Variants in TP63 observed in about 807,000 individuals in gnomAD.
TP63 encodes tumor protein 63.
In TP63, 17 loss-of-function variants were observed where a neutral mutation model predicts 82.8. The observed-to-expected ratio is 0.21, with a 90% CI of 0.14 to 0.31. The LOEUF is 0.31. Among genes scored for constraint, TP63 ranks in the 10% least tolerant of loss-of-function variants. TP63 has a pLI of 1.00. For synonymous variants in TP63, 330 were observed against 321.7 expected, an observed-to-expected ratio of 1.03 and a Z score of -0.28; for missense variants, 648 against 895.3, an observed-to-expected ratio of 0.72 and a Z score of 3.52.
In TP63 at chr3:189,651,461, G is replaced by A. The variant is rs544162718; in HGVS notation, c.62+19884G>A. On this transcript the variant is annotated intron_variant, in intron 1 of 13. Coordinates refer to ENST00000264731, the MANE Select transcript of TP63 (RefSeq NM_003722.5). ...CTTAGGAGGCTGAATCAGGAGAATC[G>A]GTTGAACCCAGGAGGCAGAGGTTGC... is the stretch of plus-strand genomic sequence containing the variant. Among the ~76,000 whole-genome samples the A allele has an allele frequency of 1.6e-4, 23 of 145,362 alleles. 1 individual carries two copies. In the South Asian group the frequency reaches 3.4e-3, roughly 21 times the overall value.
At chr3:189,892,444 C>A (rs1234358485) in intron 13 of TP63, among the ~76,000 whole-genome samples, 1 of 152,146 alleles carries the variant, frequency 6.6e-6, no homozygotes, top group Non-Finnish European at 1.5e-5. Context: ...TTACAAAGAG[C>A]TTTGCATTTA....
At chr3:189,732,593 T>C (rs1248355048) in intron 1 of TP63, among the ~76,000 whole-genome samples, 1 of 152,220 alleles carries the variant, frequency 6.6e-6, no homozygotes, top group Non-Finnish European at 1.5e-5. Context: ...ATGACAATTA[T>C]GTTGCACATT....
At chr3:189,597,183 A>G in the TP63 span, among the ~76,000 whole-genome samples, 1 of 152,222 alleles carries the variant, frequency 6.6e-6, no homozygotes, top group African/African-American at 2.4e-5. Context: ...TTTGAAAACT[A>G]TGAAGTGCTG....
chr3:189,886,897 G>A (rs1040122470), intron 11 of TP63, among the ~76,000 whole-genome samples: 1 of 152,054 alleles, frequency 6.6e-6, no homozygotes, highest in Non-Finnish European at 1.5e-5. Context: ...AAAGTAGCAT[G>A]TTGCAGTGAA....
At chr3:189,675,663 T>C (rs1357372898) in intron 1 of TP63, among the ~76,000 whole-genome samples, 1 of 152,152 alleles carries the variant, frequency 6.6e-6, no homozygotes, top group African/African-American at 2.4e-5. Flanking sequence ...GACTCATAAA[T>C]AGATTGACAT....
chr3:189,890,678 T>A, intron 12 of TP63, 111 bp from the exon 13 acceptor site: 1 of 833,922 alleles, frequency 1.2e-6, no homozygotes, highest in Non-Finnish European at 2.0e-6. Context: ...TCATCTCTGA[T>A]GTGGGGCATC....
chr3:189,861,935 A>G (rs1717096419), intron 4 of TP63, among the ~76,000 whole-genome samples: 1 of 152,218 alleles, frequency 6.6e-6, no homozygotes, highest in Admixed American at 6.5e-5. Context: ...CAAGTCAATT[A>G]TCTGTTATCT....
rs371864755 is a variant in TP63 at position 189,789,462 on chromosome 3, GT to G, written c.325-18800del. On this transcript the variant is annotated intron_variant, in intron 3 of 13. Coordinates refer to ENST00000264731, the MANE Select transcript of TP63 (RefSeq NM_003722.5). ...TTTTACCTGTCTGTCTCCTGGGTTT[GT>G]TTTTTTTTTCTTTCTTTCTTTTTCT... is the stretch of plus-strand genomic sequence containing the variant. 1.3e-4 allele frequency among the ~76,000 whole-genome samples: 19 copies of G among 147,316 alleles called. No homozygotes were observed. In the South Asian group the frequency reaches 2.2e-3, roughly 17 times the overall value.
At chr3:189,794,388 AAG>A (rs936032264) in intron 3 of TP63, among the ~76,000 whole-genome samples, 6 of 152,026 alleles carry the variant, frequency 3.9e-5, no homozygotes, top group African/African-American at 1.4e-4. Flanking sequence ...ATCAAAGGGA[AAG>A]AGAGTCCATG....
At chr3:189,778,756 A>G (rs1305208939) in intron 3 of TP63, among the ~76,000 whole-genome samples, 1 of 152,206 alleles carries the variant, frequency 6.6e-6, no homozygotes, top group African/African-American at 2.4e-5. Context: ...ATCTGGTCAC[A>G]CCACTTACGT....
At chr3:189,823,404 G>C (rs1728999390) in intron 4 of TP63, among the ~76,000 whole-genome samples, 1 of 152,164 alleles carries the variant, frequency 6.6e-6, no homozygotes, top group African/African-American at 2.4e-5. Context: ...GCAGATGGCG[G>C]TTGGTTGGAG....
At chr3:189,648,806 G>A (rs9811174) in intron 1 of TP63, among the ~76,000 whole-genome samples, 54,153 of 145,498 alleles carry the variant, frequency 0.37, 13,621 homozygotes, top group Middle Eastern at 0.57. Context: ...TTAGGACTTT[G>A]TCATGTAAAA....
At chr3:189,730,611 A>G (rs1157505812) in intron 1 of TP63, among the ~76,000 whole-genome samples, 1 of 152,226 alleles carries the variant, frequency 6.6e-6, no homozygotes, top group African/African-American at 2.4e-5. Flanking sequence ...CGTAAAGATC[A>G]TCATGTATAA....
At chr3:189,735,897 G>A (rs976088959) in intron 1 of TP63, among the ~76,000 whole-genome samples, 7 of 151,906 alleles carry the variant, frequency 4.6e-5, no homozygotes, top group African/African-American at 1.7e-4. Context: ...AGGATTTATG[G>A]GTCAGGTCAC....
At chr3:189,742,081 A>G (rs556401316) in intron 3 of TP63, among the ~76,000 whole-genome samples, 1 of 152,060 alleles carries the variant, frequency 6.6e-6, no homozygotes, top group South Asian at 2.1e-4. Flanking sequence ...CGTCTCTACT[A>G]AAAATACAAA....
In TP63 at chr3:189,694,790, C is replaced by CTTTTTTTTTTTTTTTTTTTTTTTT. The variant is rs71175304; in HGVS notation, c.63-42940_63-42917dup. On this transcript the variant is annotated intron_variant, in intron 1 of 13. Coordinates refer to ENST00000264731, the MANE Select transcript of TP63 (RefSeq NM_003722.5). ...TTGAAAGGAGGCCAGTATTTACAGC[C>CTTTTTTTTTTTTTTTTTTTTTTTT]TTTTTTTTTTTTTTTTTTTTTTTTT... 3.4e-4 allele frequency among the ~76,000 whole-genome samples: 11 copies of CTTTTTTTTTTTTTTTTTTTTTTTT among 32,756 alleles called. 2 individuals are homozygous for CTTTTTTTTTTTTTTTTTTTTTTTT. The highest frequency in any genetic ancestry group is 7.1e-4 in the Admixed American group (1 of 1,408). The allele number at this position is 32,756 out of a possible 152,430, so 21.5% of individuals were successfully genotyped here.
Position 189,733,281 on chromosome 3 carries a change from G to C in TP63, c.63-4459G>C, listed in dbSNP as rs186367026. Among the ~76,000 whole-genome samples, 299 of 152,318 alleles carry C rather than the reference G, an allele frequency of 2.0e-3. 2 individuals carry two copies. The highest frequency in any genetic ancestry group is 0.014 in the Middle Eastern group (4 of 294). The stretch of plus-strand genomic sequence containing the variant: ...TGCTGTTTTTCTCTCTTCTGCCTTA[G>C]AGATGATGTCTTCCTTCTATGTAAC... On this transcript the variant is annotated intron_variant, in intron 1 of 13. Transcript: ENST00000264731.
At chr3:189,677,782 T>A (rs1457502665) in intron 1 of TP63, among the ~76,000 whole-genome samples, 1 of 152,148 alleles carries the variant, frequency 6.6e-6, no homozygotes, top group Non-Finnish European at 1.5e-5. Context: ...TTTTTAAAAA[T>A]AGCCATTCTG....
chr3:189,681,348 C>T (rs896160754), intron 1 of TP63, among the ~76,000 whole-genome samples: 1 of 152,124 alleles, frequency 6.6e-6, no homozygotes, highest in Non-Finnish European at 1.5e-5. Context: ...GATGTCACTT[C>T]CATTAGCATA....
Sources: gnomAD v4.1 joint callset for allele counts (sites outside exome capture counted in the v4.1 genomes callset) on GRCh38, gnomAD v4.1.1 for gene constraint, MANE v1.5 for transcripts, NCBI Gene and HGNC (gene_info 2026-07-23, HGNC 2026-07-21) for gene names.